The following TBC1D8 variants were observed in gnomAD, a reference collection of about 807,000 sequenced individuals.
TBC1D8 encodes BUB2-like protein 1.
TBC1D8 carries 65 observed loss-of-function variants against 118.8 expected under a neutral mutation model. That is an observed-to-expected ratio of 0.55 (90% CI 0.45 to 0.67). The LOEUF is 0.67. Ranked by LOEUF, TBC1D8 falls within the 30% of genes least tolerant of loss-of-function variation. TBC1D8 has a pLI of 0.00. For synonymous variants in TBC1D8, 566 were observed against 595.8 expected (o/e 0.95, Z 0.73); for missense variants, 1,376 against 1,471.2 (o/e 0.94, Z 1.06).
intron 3 of TBC1D8, among the ~76,000 whole-genome samples, chr2:101,054,600 T>C (rs1355788890): frequency 6.7e-6 from 1 of 149,072 alleles, no homozygotes; most frequent in Non-Finnish European, 1.5e-5. Flanking sequence ...CACTTACCGA[T>C]CATGAGGCTC....
In TBC1D8 at chr2:101,038,545, G is replaced by T. The variant is rs973790153; in HGVS notation, c.1191C>A (p.Ser397Arg). Residue 397 changes from serine (S) to arginine (R), a missense_variant, in exon 7 of 20, where the codon AGC (serine) becomes AGA (arginine). Coordinates refer to ENST00000409318, the MANE Select transcript of TBC1D8 (RefSeq NM_001330348.2). ...ACCTCGCAAGCAGCGCCTCCACCAG[G>T]CTGTCTCGGTCCCGGAGCTCAATGA... ...FQFIELRDRD[S>R]LVEALLARLK... The T allele has an allele frequency of 6.2e-7, 1 of 1,613,878 alleles. No homozygotes were observed.
At chr2:101,046,740 G>T (rs1681729939) in intron 5 of TBC1D8, among the ~76,000 whole-genome samples, 1 of 152,176 alleles carries the variant, frequency 6.6e-6, no homozygotes, top group Non-Finnish European at 1.5e-5. Context: ...CCAGACCCGA[G>T]AGTTCAGAAT....
At chr2:101,069,218 G>A (rs866000128) in intron 2 of TBC1D8, among the ~76,000 whole-genome samples, 6 of 151,420 alleles carry the variant, frequency 4.0e-5, no homozygotes, top group South Asian at 2.1e-4. Flanking sequence ...CCTTGAATCC[G>A]GAAGGCGGAG....
chr2:101,094,230 G>T (rs1297615481), intron 1 of TBC1D8, among the ~76,000 whole-genome samples: 2 of 152,164 alleles, frequency 1.3e-5, no homozygotes, highest in African/African-American at 4.8e-5. Flanking sequence ...CTAAGTTCCA[G>T]ATGACAAAGG....
chr2:101,071,778 T>C (rs1234703909), intron 2 of TBC1D8, among the ~76,000 whole-genome samples: 1 of 152,236 alleles, frequency 6.6e-6, no homozygotes, highest in Non-Finnish European at 1.5e-5. Flanking sequence ...TGCATCCTTA[T>C]ATGATTTAAA....
Position 101,011,512 on chromosome 2 carries a change from C to G in TBC1D8, c.2856G>C (p.Gln952His). 1.2e-6 allele frequency: 2 copies of G among 1,613,978 alleles called. No individual in the cohort carries two copies. The highest frequency in any genetic ancestry group is 1.7e-6 in the Non-Finnish European group (2 of 1,179,900). ...ACAACAGAGGATTCCTCAACGGCGA[C>G]TGGCTGTCTCGGTCATTTTCAGTGA... is the stretch of plus-strand genomic sequence containing the variant. ...PALTENDRDS[Q>H]SPLRNPLLST... is the part of the protein sequence containing the mutation. The change falls in exon 18 of 20, where the codon CAG becomes CAC. Residue 952 changes from glutamine (Q) to histidine (H), a missense_variant. Transcript: ENST00000409318.
chr2:101,099,282 C>T (rs931018533), intron 1 of TBC1D8, among the ~76,000 whole-genome samples: 10 of 152,114 alleles, frequency 6.6e-5, no homozygotes, highest in East Asian at 3.8e-4. Context: ...AATTTCTGGA[C>T]GCATACCATC....
At chr2:101,135,707 G>C (rs1010719991) in intron 1 of TBC1D8, among the ~76,000 whole-genome samples, 1 of 152,234 alleles carries the variant, frequency 6.6e-6, no homozygotes, top group Non-Finnish European at 1.5e-5. Flanking sequence ...CAGGTCTCTA[G>C]GGGTCCTCAC....
chr2:101,077,341 G>A (rs567591107), intron 2 of TBC1D8, among the ~76,000 whole-genome samples: 142 of 149,004 alleles, frequency 9.5e-4, no homozygotes, highest in Non-Finnish European at 1.7e-3. Flanking sequence ...TCCGCCTCCC[G>A]GGTTCACGCC....
intron 2 of TBC1D8, among the ~76,000 whole-genome samples, chr2:101,073,957 T>C (rs750620162): frequency 6.6e-6 from 1 of 152,282 alleles, no homozygotes; most frequent in African/African-American, 2.4e-5. Flanking sequence ...TTATCATTCA[T>C]GTGTTCACTG....
chr2:101,138,085 AGGGGGAAG>A (rs1484474975), intron 1 of TBC1D8, among the ~76,000 whole-genome samples: 1 of 152,054 alleles, frequency 6.6e-6, no homozygotes, highest in Non-Finnish European at 1.5e-5. Context: ...GAAGAGGGAG[AGGGGGAAG>A]GTGCTACACA....
intron 2 of TBC1D8, among the ~76,000 whole-genome samples, chr2:101,084,643 C>A (rs1675482719): frequency 6.6e-6 from 1 of 152,144 alleles, no homozygotes; most frequent in African/African-American, 2.4e-5. Context: ...AGCCCTCTGC[C>A]CACCTGCACC....
chr2:101,061,061 C>A (rs1446442714), intron 2 of TBC1D8, among the ~76,000 whole-genome samples: 1 of 151,590 alleles, frequency 6.6e-6, no homozygotes, highest in African/African-American at 2.4e-5. Flanking sequence ...GGTGGTGGGC[C>A]CCCCTAATCC....
intron 2 of TBC1D8, among the ~76,000 whole-genome samples, chr2:101,065,816 A>G (rs892239153): frequency 1.3e-5 from 2 of 152,248 alleles, no homozygotes; most frequent in Admixed American, 6.5e-5. Context: ...TGAAGTGGTC[A>G]TTAAAATGTC....
intron 1 of TBC1D8, among the ~76,000 whole-genome samples, chr2:101,095,404 C>T (rs1488060767): frequency 8.5e-6 from 1 of 118,140 alleles, no homozygotes; most frequent in Non-Finnish European, 1.8e-5. Context: ...CCCCCCCCCT[C>T]CCCCCACCCC....
At chr2:101,108,819 G>A (rs1027624132) in intron 1 of TBC1D8, among the ~76,000 whole-genome samples, 1 of 148,328 alleles carries the variant, frequency 6.7e-6, no homozygotes, top group Non-Finnish European at 1.5e-5. Context: ...CCTTTGTCAC[G>A]GGGACCTAAC....
At position 101,007,667 on chromosome 2, in the gene TBC1D8, T is replaced by G; in HGVS notation, c.*154A>C. 1 of 730,004 alleles carries G rather than the reference T, an allele frequency of 1.4e-6. No individual in the cohort carries two copies. The highest frequency in any genetic ancestry group is 2.3e-6 in the Non-Finnish European group (1 of 439,670). 45.2% of individuals were successfully genotyped at this position (730,004 alleles called of 1,614,324 possible). A position where few individuals can be genotyped will look rare whatever the true frequency, so the allele number is the denominator to read the frequency against. The stretch of plus-strand genomic sequence containing the variant: ...AATACATAGAAATGCTTGAGGGTTG[T>G]GTCGGTTCCCCTGGCCACAGTTTGT... On this transcript the variant is annotated 3_prime_UTR_variant, in exon 20 of 20. Coordinates refer to ENST00000409318, the MANE Select transcript of TBC1D8 (RefSeq NM_001330348.2).
At chr2:101,116,887 C>T (rs929611634) in intron 1 of TBC1D8, among the ~76,000 whole-genome samples, 4 of 151,980 alleles carry the variant, frequency 2.6e-5, no homozygotes, top group Admixed American at 6.6e-5. Context: ...AGTGATCTGC[C>T]GCCTCAGCCT....
At chr2:101,095,029 G>A (rs1291698645) in intron 1 of TBC1D8, among the ~76,000 whole-genome samples, 6 of 152,114 alleles carry the variant, frequency 3.9e-5, no homozygotes, top group Non-Finnish European at 7.4e-5. Context: ...GCTGGAGGCT[G>A]AGTGTGTAAG....
Sources: allele counts gnomAD v4.1 joint callset (sites outside exome capture counted in the v4.1 genomes callset), GRCh38; gene constraint gnomAD v4.1.1; transcripts MANE v1.5; gene names NCBI Gene and HGNC (gene_info 2026-07-23, HGNC 2026-07-21).